Variants in ERCC6 observed in about 807,000 individuals in gnomAD.
ERCC6 encodes the protein DNA excision repair protein ERCC-6.
In ERCC6, 116 loss-of-function variants were observed where a neutral mutation model predicts 158.7. That is an observed-to-expected ratio of 0.73 (90% CI 0.63 to 0.85). The LOEUF is 0.85. Ranked by LOEUF, ERCC6 falls within the 40% of genes least tolerant of loss-of-function variation. ERCC6 has a pLI of 0.00. For synonymous variants in ERCC6, 678 were observed against 659.3 expected (o/e 1.03, Z -0.43); for missense variants, 1,698 against 1,799.4 (o/e 0.94, Z 1.02).
intron 7 of ERCC6, among the ~76,000 whole-genome samples, chr10:49,500,268 C>T (rs969319132): frequency 3.3e-5 from 5 of 152,018 alleles, no homozygotes; most frequent in African/African-American, 1.2e-4. Flanking sequence ...CCTTAGACAT[C>T]GTATTGACCC....
intron 5 of ERCC6, chr10:49,516,742 C>T: frequency 6.2e-7 from 1 of 1,614,112 alleles, no homozygotes; most frequent in Non-Finnish European, 8.5e-7. Flanking sequence ...ACTCTACCTG[C>T]TACGGGTTGT....
downstream of ERCC6, among the ~76,000 whole-genome samples, chr10:49,452,869 C>A (rs751899709): frequency 1.3e-5 from 2 of 152,238 alleles, no homozygotes; most frequent in East Asian, 3.9e-4. Flanking sequence ...TTGTCTGACA[C>A]TAGTATAGCC....
rs1441287074 is a variant in ERCC6 at position 49,461,399 on chromosome 10, G to A, written c.3936C>T (p.Pro1312=). The A allele has an allele frequency of 2.5e-6, 4 of 1,613,970 alleles. No individual in the cohort carries two copies. The highest frequency in any genetic ancestry group is 1.1e-5 in the South Asian group (1 of 91,064). Residue 1312 remains proline (P), a synonymous_variant, in exon 19 of 21, where the codon CCC becomes CCT. Coordinates refer to ENST00000355832, the MANE Select transcript of ERCC6 (RefSeq NM_000124.4). ...AAATCCCCCTGTGGCCAGTCCAGGT[G>A]GGAACACCAGACACTGCTCCCAGAC... ...QRCLGAVSGV[P]TWTGHRGISG...
intron 18 of ERCC6, among the ~76,000 whole-genome samples, chr10:49,465,433 T>C (rs1488710954): frequency 6.6e-6 from 1 of 152,172 alleles, no homozygotes; most frequent in African/African-American, 2.4e-5. Flanking sequence ...TGTGGACTTT[T>C]GAGTTAATGC....
At chr10:49,497,585 C>T (rs1483110945) in intron 7 of ERCC6, among the ~76,000 whole-genome samples, 6 of 152,244 alleles carry the variant, frequency 3.9e-5, no homozygotes, top group African/African-American at 1.4e-4. Context: ...GAGATTTTCA[C>T]GCTGAGTTGA....
intron 7 of ERCC6, among the ~76,000 whole-genome samples, chr10:49,497,407 G>A (rs1851284823): frequency 6.6e-6 from 1 of 152,144 alleles, no homozygotes. Flanking sequence ...GTTTTTTCAG[G>A]TTATACAGTA....
At chr10:49,497,203 T>G (rs1390660347) in intron 7 of ERCC6, among the ~76,000 whole-genome samples, 1 of 152,230 alleles carries the variant, frequency 6.6e-6, no homozygotes, top group Non-Finnish European at 1.5e-5. Flanking sequence ...AGAGTGGGAC[T>G]CTGCCTGGCC....
At position 49,507,414 on chromosome 10, in the gene ERCC6, T is replaced by A. The variant is rs571351074; in HGVS notation, c.1398-1402A>T. On this transcript the variant is annotated intron_variant, in intron 5 of 20. Transcript: ENST00000355832. ...ATGGCCAAGTCTAAGGAAATAGCTA[T>A]CATCTAACAACAGTTTAATAAGTGA... Among the ~76,000 whole-genome samples, 8 of 152,296 alleles carry A rather than the reference T, an allele frequency of 5.3e-5. No individual in the cohort carries two copies. The South Asian group carries it at 1.7e-3, about 32-fold the overall frequency.
At chr10:49,513,521 G>C (rs1181378287) in intron 5 of ERCC6, among the ~76,000 whole-genome samples, 1 of 152,150 alleles carries the variant, frequency 6.6e-6, no homozygotes, top group Non-Finnish European at 1.5e-5. Flanking sequence ...CCGAGACTGG[G>C]TAATTTATAA....
chr10:49,505,285 A>C (rs1044622684), intron 6 of ERCC6: 1 of 152,868 alleles, frequency 6.5e-6, no homozygotes, highest in African/African-American at 2.4e-5. Context: ...GTCATCTCCA[A>C]TGCTTGGCCA....
chr10:49,513,712 C>G (rs150509892), intron 5 of ERCC6, among the ~76,000 whole-genome samples: 2 of 152,284 alleles, frequency 1.3e-5, no homozygotes, highest in African/African-American at 4.8e-5. Flanking sequence ...ATCGTGAGAA[C>G]AGCATGGGGG....
At chr10:49,481,833 CA>C (rs1850984997) in intron 10 of ERCC6, among the ~76,000 whole-genome samples, 2 of 152,192 alleles carry the variant, frequency 1.3e-5, no homozygotes, top group African/African-American at 4.8e-5. Flanking sequence ...TCTCCTGCCC[CA>C]CCATCTTTCT....
At chr10:49,500,508 C>G (rs1851338028) in intron 7 of ERCC6, 30 bp downstream of exon 7, 1 of 1,611,590 alleles carries the variant, frequency 6.2e-7, no homozygotes, top group African/African-American at 1.3e-5. Flanking sequence ...TTGAGCTCCA[C>G]AGACTGACAG....
intron 5 of ERCC6, among the ~76,000 whole-genome samples, chr10:49,514,376 C>A (rs1402460976): frequency 6.6e-6 from 1 of 152,126 alleles, no homozygotes; most frequent in Non-Finnish European, 1.5e-5. Context: ...TACACAACTG[C>A]CCATACCAAC....
At position 49,493,133 on chromosome 10, in the gene ERCC6, G is replaced by A. The variant is rs1590428524; in HGVS notation, c.1805C>T (p.Ser602Phe). The change falls in exon 8 of 21, where the codon TCC becomes TTC. Residue 602 changes from serine to phenylalanine, a missense_variant. Transcript: ENST00000355832. ...TTGTGTTACCTTTTTGTGGGTATAGGAACCGGTTTCATGTAGAATTGCCAC... is the reference window on the plus strand; with the variant it reads ...TTGTGTTACCTTTTTGTGGGTATAGAAACCGGTTTCATGTAGAATTGCCAC... ...FRVAILHETG[S>F]YTHKKEKLIR... 6.2e-7 allele frequency: 1 copy of A among 1,613,850 alleles called. No individual in the cohort carries two copies. Among genetic ancestry groups the A allele is most frequent in the African/African-American group, 1.3e-5 (1 of 74,872 alleles).
chr10:49,444,208 C>T, the ERCC6 span, among the ~76,000 whole-genome samples: 1 of 152,176 alleles, frequency 6.6e-6, no homozygotes, highest in African/African-American at 2.4e-5. Flanking sequence ...AGAGGCCTTG[C>T]CATGCCCTCA....
chr10:49,530,342 T>C (rs969599526), intron 3 of ERCC6, among the ~76,000 whole-genome samples: 1 of 152,238 alleles, frequency 6.6e-6, no homozygotes, highest in African/African-American at 2.4e-5. Context: ...GAGGAGCCTC[T>C]GGACTTAACT....
In ERCC6 at chr10:49,474,147, TTCA is replaced by T; in HGVS notation, c.2475_2477del (p.Asp825del). 2 of 1,614,120 alleles carry T rather than the reference TTCA, an allele frequency of 1.2e-6. No individual in the cohort carries two copies. The highest frequency in any genetic ancestry group is 8.5e-7 in the Non-Finnish European group (1 of 1,180,020). On this transcript the variant is annotated inframe_deletion, in exon 13 of 21. Coordinates refer to ENST00000355832, the MANE Select transcript of ERCC6 (RefSeq NM_000124.4). ...AGTACCCAAACTGATCTTCTTCTAG[TTCA>T]TCATCAGGAAGACCTTTGAGATTCT...
chr10:49,476,434 T>C (rs1024598564), intron 11 of ERCC6, 124 bp from the exon 12 acceptor site: 10 of 671,886 alleles, frequency 1.5e-5, no homozygotes, highest in Non-Finnish European at 2.1e-5. Flanking sequence ...ATATCCCTAT[T>C]ATTAATATTA....
Sources: allele counts gnomAD v4.1 joint callset (sites outside exome capture counted in the v4.1 genomes callset), GRCh38; gene constraint gnomAD v4.1.1; transcripts MANE v1.5; gene names NCBI Gene and HGNC (gene_info 2026-07-23, HGNC 2026-07-21).